CDKL3: variants seen among roughly 807,000 people sequenced by gnomAD.
CDKL3 encodes the protein cyclin dependent kinase like 3.
In CDKL3, 65 loss-of-function variants were observed where a neutral mutation model predicts 69.3. The ratio of observed to expected loss-of-function variants is 0.94; its 90% CI spans 0.77 to 1.15. The LOEUF is 1.15. Ranked by LOEUF, CDKL3 falls within the 50% of genes most tolerant of loss-of-function variation. The pLI is 0.00. For synonymous variants in CDKL3, 202 were observed against 221.6 expected (o/e 0.91, Z 0.79); for missense variants, 652 against 689.2 (o/e 0.95, Z 0.61).
chr5:134,356,793 TAAATA>T (rs1754717756), intron 3 of CDKL3, among the ~76,000 whole-genome samples: 1 of 151,822 alleles, frequency 6.6e-6, no homozygotes, highest in Non-Finnish European at 1.5e-5. Context: ...CAAAAATAAA[TAAATA>T]AAATAAAAAT....
intron 8 of CDKL3, among the ~76,000 whole-genome samples, chr5:134,291,452 A>G (rs979582848): frequency 2.6e-5 from 4 of 152,192 alleles, no homozygotes; most frequent in Admixed American, 6.5e-5. Context: ...CCCATTGTTT[A>G]CAGATTCATC....
intron 4 of CDKL3, among the ~76,000 whole-genome samples, chr5:134,331,015 T>C (rs867065810): frequency 1.3e-5 from 2 of 152,200 alleles, no homozygotes; most frequent in African/African-American, 2.4e-5. Context: ...AAAATTTCCA[T>C]TGAAAGTTCT....
In CDKL3 at chr5:134,302,575, T is replaced by A. The variant is rs774929293; in HGVS notation, c.1719+15A>T. 1.2e-5 allele frequency: 17 copies of A among 1,364,750 alleles called. No homozygotes were observed. The highest frequency in any genetic ancestry group is 1.8e-5 in the Admixed American group (1 of 55,188). 84.5% of individuals were successfully genotyped at this position (1,364,750 alleles called of 1,614,324 possible). A position where few individuals can be genotyped will look rare whatever the true frequency, so the allele number is the denominator to read the frequency against. On this transcript the variant is annotated intron_variant, in intron 12 of 12. Coordinates refer to ENST00000265334, the MANE Select transcript of CDKL3 (RefSeq NM_001113575.2). ...ACAACATGCCTTAGTAAAAGCTATA[T>A]ACAAAAAGAGTTACCTCTTGTTTTT...
In CDKL3 at chr5:134,366,447, G is replaced by A; in HGVS notation, c.77C>T (p.Thr26Ile). Residue 26 changes from threonine (T) to isoleucine (I), a missense_variant, in exon 2 of 13, where the codon ACT becomes ATT. Thr to Ile is a moderately conservative substitution (Grantham distance 89). Coordinates refer to ENST00000265334, the MANE Select transcript of CDKL3 (RefSeq NM_001113575.2). ...GTVMKCKHKNTGQIVAIKIFY... is the reference protein window; with the variant it reads ...GTVMKCKHKNIGQIVAIKIFY... ...TATCTTAATGGCCACTATCTGCCCA[G>A]TATTCTTATGTTTACATTTCATGAC... is the stretch of plus-strand genomic sequence containing the variant. 1 of 1,607,528 alleles carries A rather than the reference G, an allele frequency of 6.2e-7. No homozygotes were observed. Among genetic ancestry groups the A allele is most frequent in the Non-Finnish European group, 8.5e-7 (1 of 1,176,634 alleles).
intron 4 of CDKL3, among the ~76,000 whole-genome samples, chr5:134,347,229 T>C (rs994636938): frequency 6.6e-6 from 1 of 151,306 alleles, no homozygotes; most frequent in Non-Finnish European, 1.5e-5. Context: ...GGATGGCTAT[T>C]AAACAAAAGA....
At chr5:134,365,072 T>G (rs1385832911) in intron 2 of CDKL3, among the ~76,000 whole-genome samples, 4 of 151,230 alleles carry the variant, frequency 2.6e-5, no homozygotes, top group Non-Finnish European at 5.9e-5. Flanking sequence ...AAGCTCCGCC[T>G]CCCGGGTTCA....
At chr5:134,312,238 A>C (rs1009581075) in intron 7 of CDKL3, 54 bp downstream of exon 7, 122 of 1,059,002 alleles carry the variant, frequency 1.2e-4, no homozygotes, top group Admixed American at 5.0e-5. Flanking sequence ...CTGCTAGTAA[A>C]ATTTCCCAAT....
rs887425330 is a variant in CDKL3, at chr5:134,304,538, C to T, written c.1488G>A (p.Glu496=). The change falls in exon 11 of 13, where the codon GAG becomes GAA. Residue 496 remains glutamate (E), a synonymous_variant. Transcript: ENST00000265334. ...CCATTTGGTCACTGTGACCTGTTCG[C>T]TCATTAAATATACCCTTCTCCATTT... ...QSQMEKGIFN[E]RTGHSDQMAN... 1.4e-5 allele frequency: 22 copies of T among 1,610,748 alleles called. No homozygotes were observed. Among genetic ancestry groups the T allele is most frequent in the South Asian group, 3.3e-5 (3 of 90,386 alleles).
chr5:134,293,009 T>C (rs1765190644), intron 8 of CDKL3, among the ~76,000 whole-genome samples: 1 of 92,034 alleles, frequency 1.1e-5, no homozygotes, highest in African/African-American at 5.3e-5. Context: ...TTTCTTTTTT[T>C]TTTTTTTTTT....
Position 134,308,677 on chromosome 5 carries a change from GA to G in CDKL3, c.931del (p.Ser311HisfsTer2). On this transcript the variant is annotated frameshift_variant, in exon 8 of 13. Transcript: ENST00000265334. LOFTEE classifies it high-confidence loss of function. The stretch of plus-strand genomic sequence containing the variant: ...AGAACTCTCTTTTGGCTTTATTAAT[GA>G]ATTGACTTTTGCTTCCTGCAGTAAT... ...AKLLQEAKVNSLIKPKESSKE... is the reference protein window; with the variant it reads ...AKLLQEAKVNXLIKPKESSKE... The G allele has an allele frequency of 6.2e-7, 1 of 1,604,750 alleles. No homozygotes were observed. Among genetic ancestry groups the G allele is most frequent in the Non-Finnish European group, 8.5e-7 (1 of 1,177,804 alleles).
intron 8 of CDKL3, among the ~76,000 whole-genome samples, chr5:134,288,839 G>A (rs1764992513): frequency 6.6e-6 from 1 of 152,122 alleles, no homozygotes; most frequent in African/African-American, 2.4e-5. Flanking sequence ...GGTTTCCAAT[G>A]AAGAGGTGAT....
At chr5:134,351,287 G>A (rs1403069687) in intron 3 of CDKL3, among the ~76,000 whole-genome samples, 1 of 152,038 alleles carries the variant, frequency 6.6e-6, no homozygotes, top group Non-Finnish European at 1.5e-5. Context: ...AAGTTTCCTG[G>A]TCAATCTCAC....
chr5:134,312,351 C>A lies in CDKL3; in HGVS notation c.822G>T (p.Arg274Ser). 1 of 1,598,702 alleles carries A rather than the reference C, an allele frequency of 6.3e-7. No individual in the cohort carries two copies. The highest frequency in any genetic ancestry group is 8.5e-7 in the Non-Finnish European group (1 of 1,173,512). The change falls in exon 7 of 13, where the codon AGG becomes AGT. Residue 274 changes from arginine to serine, a missense_variant. Coordinates refer to ENST00000265334, the MANE Select transcript of CDKL3 (RefSeq NM_001113575.2). The stretch of plus-strand genomic sequence containing the variant: ...GATGCAAAAGATCACTAGATGATAT[C>A]CTGTCAGCAGGATCAATTTGTAAAC... Reference protein sequence around the residue: ...HACLQIDPADRISSSDLLHHE... With the variant: ...HACLQIDPADSISSSDLLHHE...
intron 4 of CDKL3, among the ~76,000 whole-genome samples, chr5:134,327,433 G>A (rs1774677626): frequency 6.6e-6 from 1 of 152,128 alleles, no homozygotes; most frequent in Admixed American, 6.5e-5. Flanking sequence ...TTTTGCCTGG[G>A]GGAAGAAGCA....
chr5:134,371,531 C>CG (rs936940638), upstream of CDKL3: 9 of 1,305,378 alleles, frequency 6.9e-6, no homozygotes, highest in African/African-American at 5.1e-5. Context: ...GCCGCCGCGC[C>CG]GGGGGGTGGG....
chr5:134,351,900 G>A (rs1465925136), intron 3 of CDKL3, among the ~76,000 whole-genome samples: 5 of 152,088 alleles, frequency 3.3e-5, no homozygotes, highest in Non-Finnish European at 5.9e-5. Context: ...TTATTTTGTG[G>A]TGAGAACACT....
intron 10 of CDKL3, among the ~76,000 whole-genome samples, chr5:134,306,331 C>A (rs945109516): frequency 6.6e-6 from 1 of 151,796 alleles, no homozygotes; most frequent in African/African-American, 2.4e-5. Flanking sequence ...TTTGTCGCTA[C>A]AAAAAAATGA....
chr5:134,329,175 T>C (rs1775123038), intron 4 of CDKL3, among the ~76,000 whole-genome samples: 1 of 152,144 alleles, frequency 6.6e-6, no homozygotes, highest in Admixed American at 6.5e-5. Flanking sequence ...ACTTTGTCTC[T>C]ACAAAAAAAT....
intron 4 of CDKL3, among the ~76,000 whole-genome samples, chr5:134,325,967 G>A (rs1489141236): frequency 1.4e-5 from 2 of 145,866 alleles, no homozygotes; most frequent in Non-Finnish European, 3.0e-5. Context: ...TAGCAGAGAC[G>A]GGGTTTCACC....
Sources: gnomAD v4.1 joint callset for allele counts (sites outside exome capture counted in the v4.1 genomes callset) on GRCh38, gnomAD v4.1.1 for gene constraint, MANE v1.5 for transcripts, NCBI Gene and HGNC (gene_info 2026-07-23, HGNC 2026-07-21) for gene names.